Variants in PMS1 observed in about 807,000 individuals in gnomAD.
The protein encoded by PMS1 is PMS1 homolog 1, mismatch repair system component.
Under a neutral mutation model 93.1 loss-of-function variants are expected in PMS1, and 79 were observed. The ratio of observed to expected loss-of-function variants is 0.85; its 90% CI spans 0.71 to 1.02. The LOEUF is 1.02. Ranked by LOEUF, PMS1 falls within the 50% of genes least tolerant of loss-of-function variation. The pLI is 0.00. For synonymous variants in PMS1, 335 were observed against 363.4 expected (o/e 0.92, Z 0.89); for missense variants, 1,064 against 1,085.3 (o/e 0.98, Z 0.28).
At chr2:189,802,304 T>A (rs2049961222) in intron 3 of PMS1, among the ~76,000 whole-genome samples, 2 of 152,218 alleles carry the variant, frequency 1.3e-5, no homozygotes, top group South Asian at 4.1e-4. Flanking sequence ...GATAACATAT[T>A]TTGTATGTTG....
rs2055085641 is a variant in PMS1 at position 189,854,245 on chromosome 2, G to C, written c.973G>C (p.Val325Leu). ...SQVLLQNKES[V>L]LIALENLMTT... ...TGTTAATTTGTATTTTTAGGAATCT[G>C]TTTTAATTGCTCTTGAAAATCTGAT... Residue 325 changes from valine (V) to leucine (L), a missense_variant, in exon 9 of 13, where the codon GTT becomes CTT. Val to Leu is a conservative substitution (Grantham distance 32, BLOSUM62 1). Transcript: ENST00000441310. 6.3e-7 allele frequency: 1 copy of C among 1,589,958 alleles called. No homozygotes were observed.
At chr2:189,805,778 A>G (rs762994966) in intron 4 of PMS1, 24 bp downstream of exon 4, 8 of 1,613,214 alleles carry the variant, frequency 5.0e-6, no homozygotes, top group Non-Finnish European at 6.8e-6. Context: ...TTTGTATACA[A>G]ACATTCTTTA....
At chr2:189,861,128 C>G (rs533646522) in intron 9 of PMS1, among the ~76,000 whole-genome samples, 1 of 151,730 alleles carries the variant, frequency 6.6e-6, no homozygotes, top group East Asian at 1.9e-4. Flanking sequence ...CTATTTTGTT[C>G]TTTTGTTCCT....
At chr2:189,814,316 C>G (rs953147423) in intron 4 of PMS1, among the ~76,000 whole-genome samples, 1 of 149,460 alleles carries the variant, frequency 6.7e-6, no homozygotes, top group African/African-American at 2.5e-5. Flanking sequence ...GACCCCCCCC[C>G]AAAAAAAAAT....
At chr2:189,807,084 T>TA (rs2050410067) in intron 4 of PMS1, 1 of 176,954 alleles carries the variant, frequency 5.7e-6, no homozygotes, top group African/African-American at 2.4e-5. Context: ...ATGTATAAAA[T>TA]ATAAATTTCT....
chr2:189,799,626 A>G (rs5742998), intron 3 of PMS1, among the ~76,000 whole-genome samples: 36,162 of 152,158 alleles, frequency 0.24, 4,639 homozygotes, highest in African/African-American at 0.33. Flanking sequence ...AGCTAGCTGG[A>G]AGGAACTTTT....
intron 6 of PMS1, among the ~76,000 whole-genome samples, chr2:189,850,619 G>T (rs575367483): frequency 6.6e-6 from 1 of 152,124 alleles, no homozygotes; most frequent in Admixed American, 6.6e-5. Context: ...GAAAAAGGGG[G>T]CTGATAATGG....
intron 4 of PMS1, among the ~76,000 whole-genome samples, chr2:189,811,825 G>T (rs1256694797): frequency 1.3e-5 from 2 of 152,106 alleles, no homozygotes; most frequent in East Asian, 3.8e-4. Context: ...AATTGGAAGT[G>T]TTTTTTCTTT....
At chr2:189,842,839 A>G (rs900004259) in intron 5 of PMS1, among the ~76,000 whole-genome samples, 2 of 152,028 alleles carry the variant, frequency 1.3e-5, no homozygotes, top group African/African-American at 4.8e-5. Flanking sequence ...GTCAGTGGCT[A>G]CTTGTGGCAA....
At chr2:189,815,417 A>G (rs956024100) in intron 4 of PMS1, among the ~76,000 whole-genome samples, 5 of 152,130 alleles carry the variant, frequency 3.3e-5, no homozygotes, top group African/African-American at 1.2e-4. Context: ...CTATGTGTTT[A>G]GAGAAGGTGG....
intron 1 of PMS1, among the ~76,000 whole-genome samples, chr2:189,784,951 G>C (rs1462723891): frequency 6.6e-6 from 1 of 152,220 alleles, no homozygotes; most frequent in Non-Finnish European, 1.5e-5. Context: ...AGGGGTGCAA[G>C]TTAAACTCTT....
chr2:189,828,710 G>A (rs1296879832), intron 5 of PMS1, among the ~76,000 whole-genome samples: 1 of 152,094 alleles, frequency 6.6e-6, no homozygotes, highest in Non-Finnish European at 1.5e-5. Context: ...AGCTCACAAT[G>A]CATCTCTGAA....
chr2:189,786,256 G>A (rs2048339960), intron 1 of PMS1, among the ~76,000 whole-genome samples: 1 of 152,142 alleles, frequency 6.6e-6, no homozygotes, highest in South Asian at 2.1e-4. Context: ...TTGGCAATTG[G>A]AAACCTTTAT....
At chr2:189,807,426 A>G (rs767386289) in intron 4 of PMS1, among the ~76,000 whole-genome samples, 1 of 152,220 alleles carries the variant, frequency 6.6e-6, no homozygotes, top group Non-Finnish European at 1.5e-5. Context: ...CCTCTCTAGA[A>G]ATACTCTGAC....
At chr2:189,800,568 CAG>C (rs2049798593) in intron 3 of PMS1, among the ~76,000 whole-genome samples, 2 of 152,022 alleles carry the variant, frequency 1.3e-5, no homozygotes, top group Non-Finnish European at 1.5e-5. Flanking sequence ...CCTTAGCACT[CAG>C]AAAGAATTGA....
At chr2:189,853,873 G>C (rs2055045770) in intron 7 of PMS1, 66 bp from the exon 8 acceptor site, 2 of 999,672 alleles carry the variant, frequency 2.0e-6, no homozygotes, top group Admixed American at 4.3e-5. Context: ...AGTTGAATTT[G>C]CTGGGTTTTA....
intron 9 of PMS1, chr2:189,857,429 C>G: frequency 2.2e-6 from 1 of 462,794 alleles, no homozygotes; most frequent in Non-Finnish European, 4.5e-6. Context: ...GATACAACAC[C>G]CAAGAATCGT....
chr2:189,807,577 G>C (rs969682379), intron 4 of PMS1, among the ~76,000 whole-genome samples: 4 of 152,144 alleles, frequency 2.6e-5, no homozygotes, highest in Admixed American at 1.3e-4. Flanking sequence ...GTCTAATCTG[G>C]ATGGCCAATG....
intron 9 of PMS1, among the ~76,000 whole-genome samples, chr2:189,862,354 T>C (rs557279091): frequency 2.0e-5 from 3 of 152,310 alleles, no homozygotes; most frequent in African/African-American, 7.2e-5. Context: ...CACTAATCTG[T>C]TGAGATTCCC....
Sources: allele counts gnomAD v4.1 joint callset (sites outside exome capture counted in the v4.1 genomes callset), GRCh38; gene constraint gnomAD v4.1.1; transcripts MANE v1.5; gene names NCBI Gene and HGNC (gene_info 2026-07-23, HGNC 2026-07-21).